The following PTGFR variants were observed in gnomAD, a reference collection of about 807,000 sequenced individuals.
The protein encoded by PTGFR is prostaglandin F2-alpha receptor.
In PTGFR, 15 loss-of-function variants were observed where a neutral mutation model predicts 26.2. The observed-to-expected ratio is 0.57, with a 90% CI of 0.38 to 0.88. The LOEUF (loss-of-function observed/expected upper bound fraction) is 0.88. Ranked by LOEUF, PTGFR falls within the 40% of genes least tolerant of loss-of-function variation. PTGFR has a pLI of 0.00. For missense variants in PTGFR, 369 were observed against 427.2 expected, an observed-to-expected ratio of 0.86 and a Z score of 1.20; for synonymous variants, 165 against 151.1, an observed-to-expected ratio of 1.09 and a Z score of -0.68.
At position 78,492,906 on chromosome 1, in the gene PTGFR, T is replaced by C. The variant is rs1451089350; in HGVS notation, c.163T>C (p.Tyr55His). 2.5e-6 allele frequency: 4 copies of C among 1,614,140 alleles called. No individual in the cohort carries two copies. The highest frequency in any genetic ancestry group is 1.1e-5 in the South Asian group (1 of 91,090). The change falls in exon 2 of 3, where the codon TAT becomes CAT. Residue 55 changes from tyrosine to histidine, a missense_variant. By Grantham distance (83) the Tyr-to-His change is moderately conservative. Transcript: ENST00000370757. ...TGCCATCGCCATTCTCATGAAGGCA[T>C]ATCAGAGATTTAGACAGAAGTCCAA... ...SLAIAILMKAYQRFRQKSKAS... is the reference protein window; with the variant it reads ...SLAIAILMKAHQRFRQKSKAS...
intron 2 of PTGFR, among the ~76,000 whole-genome samples, chr1:78,512,640 C>A (rs930174394): frequency 1.3e-5 from 2 of 152,158 alleles, no homozygotes; most frequent in African/African-American, 2.4e-5. Context: ...ACCCCTATGA[C>A]CTAAACACCT....
chr1:78,538,481 A>G lies in PTGFR; in HGVS notation c.*1794A>G, dbSNP rs1042030672. On this transcript the variant is annotated 3_prime_UTR_variant, in exon 3 of 3. Coordinates refer to ENST00000370757, the MANE Select transcript of PTGFR (RefSeq NM_000959.4). ...TGTTATCTGAGTATATGTTTGGGTAACCAAATTGGTCTTAAAAATGATGTT... is the reference window on the plus strand; with the variant it reads ...TGTTATCTGAGTATATGTTTGGGTAGCCAAATTGGTCTTAAAAATGATGTT... 4 of 151,444 alleles carry G rather than the reference A, an allele frequency of 2.6e-5. No homozygotes were observed. The highest frequency in any genetic ancestry group is 2.0e-4 in the Admixed American group (3 of 15,186). The allele number at this position is 151,444 out of a possible 1,614,324, so 9.4% of individuals were successfully genotyped here.
At position 78,521,670 on chromosome 1, in the gene PTGFR, C is replaced by T. The variant is rs1650246055; in HGVS notation, c.799-14736C>T. Reference sequence around the variant, plus strand: ...GTAACAAAAGTTTATCTCTTTTCTCCTGATTCTTATACTTCATTTTTTGTT... The same window carrying T: ...GTAACAAAAGTTTATCTCTTTTCTCTTGATTCTTATACTTCATTTTTTGTT... On this transcript the variant is annotated intron_variant, in intron 2 of 2. Coordinates refer to ENST00000370757, the MANE Select transcript of PTGFR (RefSeq NM_000959.4). Among the ~76,000 whole-genome samples, 3 of 152,074 alleles carry T rather than the reference C, an allele frequency of 2.0e-5. 1 individual carries two copies. The South Asian group carries it at 6.2e-4, about 32-fold the overall frequency.
At chr1:78,512,931 C>T (rs541731428) in intron 2 of PTGFR, among the ~76,000 whole-genome samples, 8 of 152,164 alleles carry the variant, frequency 5.3e-5, no homozygotes, top group African/African-American at 9.7e-5. Flanking sequence ...ATGCCTGCTC[C>T]GCCTTTCCCT....
chr1:78,509,816 T>A (rs542698846), intron 2 of PTGFR, among the ~76,000 whole-genome samples: 16 of 152,196 alleles, frequency 1.1e-4, no homozygotes, highest in Non-Finnish European at 2.1e-4. Context: ...GATTTCCACA[T>A]CATTGATTTA....
At chr1:78,494,249 T>C (rs115762313) in intron 2 of PTGFR, among the ~76,000 whole-genome samples, 5,453 of 152,318 alleles carry the variant, frequency 0.036, 164 homozygotes, top group Non-Finnish European at 0.046. Flanking sequence ...TCATATCACT[T>C]TCCAGATAGA....
intron 2 of PTGFR, among the ~76,000 whole-genome samples, chr1:78,522,049 G>T (rs1570290639): frequency 1.4e-5 from 2 of 148,020 alleles, no homozygotes; most frequent in Admixed American, 6.6e-5. Flanking sequence ...GCTGTTACAG[G>T]CTTGGGGGAA....
rs543630104 is a variant in PTGFR, at chr1:78,540,582, G to A, written c.*3895G>A. ...GACTAAAAGGACTATATAATAGAAA[G>A]AGGGAAATCTTGGTTCTTAAAAATT... On this transcript the variant is annotated 3_prime_UTR_variant, in exon 3 of 3. Coordinates refer to ENST00000370757, the MANE Select transcript of PTGFR (RefSeq NM_000959.4). 1.3e-5 allele frequency among the ~76,000 whole-genome samples: 2 copies of A among 152,190 alleles called. No individual in the cohort carries two copies. Among genetic ancestry groups the A allele is most frequent in the African/African-American group, 4.8e-5 (2 of 41,558 alleles).
At chr1:78,536,337 C>T (rs557304900) in intron 2 of PTGFR, 69 bp from the exon 3 acceptor site, 2 of 1,442,584 alleles carry the variant, frequency 1.4e-6, no homozygotes, top group South Asian at 2.7e-5. Context: ...TCTAGCATAG[C>T]TAATTTTTTA....
In PTGFR at chr1:78,510,335, G is replaced by A. The variant is rs981122656; in HGVS notation, c.798+16794G>A. 2.2e-4 allele frequency among the ~76,000 whole-genome samples: 33 copies of A among 152,286 alleles called. 1 individual carries two copies. Among genetic ancestry groups the A allele is most frequent in the East Asian group, 5.8e-4 (3 of 5,182 alleles). ...GTAGAGAAAGCATGTTGCTGGCATC[G>A]TCTCAGCTTCTGTTGAGGTCCCAGG... On this transcript the variant is annotated intron_variant, in intron 2 of 2. Transcript: ENST00000370757.
intron 2 of PTGFR, among the ~76,000 whole-genome samples, chr1:78,530,767 A>G (rs1414457779): frequency 1.3e-5 from 2 of 152,232 alleles, no homozygotes; most frequent in Non-Finnish European, 2.9e-5. Flanking sequence ...CATCTTATTC[A>G]TAAATATAAC....
chr1:78,508,870 C>T (rs1649888899), intron 2 of PTGFR, among the ~76,000 whole-genome samples: 1 of 151,990 alleles, frequency 6.6e-6, no homozygotes, highest in Non-Finnish European at 1.5e-5. Flanking sequence ...ATTTTGGCTA[C>T]AAGATACTGA....
rs1012519493 is a variant in PTGFR at position 78,540,645 on chromosome 1, G to T, written c.*3958G>T. 6.6e-6 allele frequency among the ~76,000 whole-genome samples: 1 copy of T among 152,110 alleles called. No homozygotes were observed. Among genetic ancestry groups the T allele is most frequent in the Non-Finnish European group, 1.5e-5 (1 of 67,998 alleles). On this transcript the variant is annotated 3_prime_UTR_variant, in exon 3 of 3. Coordinates refer to ENST00000370757, the MANE Select transcript of PTGFR (RefSeq NM_000959.4). Reference sequence around the variant, plus strand: ...ACATTTCTGTATAATACCAAGCATTGTTGCAGTATTGTCTGAAATGGTTGC... The same window carrying T: ...ACATTTCTGTATAATACCAAGCATTTTTGCAGTATTGTCTGAAATGGTTGC...
intron 2 of PTGFR, among the ~76,000 whole-genome samples, chr1:78,524,257 A>C (rs1650316038): frequency 6.6e-6 from 1 of 152,158 alleles, no homozygotes; most frequent in South Asian, 2.1e-4. Context: ...ATAGGGCTTG[A>C]TGAGTTGGTT....
chr1:78,494,471 A>G (rs1649494328), intron 2 of PTGFR, among the ~76,000 whole-genome samples: 1 of 152,228 alleles, frequency 6.6e-6, no homozygotes, highest in Non-Finnish European at 1.5e-5. Flanking sequence ...ATAGCAATCC[A>G]GGTGGGGTGG....
At chr1:78,496,785 TTC>T (rs1649563239) in intron 2 of PTGFR, among the ~76,000 whole-genome samples, 1 of 152,206 alleles carries the variant, frequency 6.6e-6, no homozygotes, top group Non-Finnish European at 1.5e-5. Context: ...AATGTTTGAA[TTC>T]TCTCTCATGT....
At chr1:78,520,671 G>A (rs988267333) in intron 2 of PTGFR, among the ~76,000 whole-genome samples, 2 of 151,946 alleles carry the variant, frequency 1.3e-5, no homozygotes, top group East Asian at 1.9e-4. Flanking sequence ...CCATTGGTTT[G>A]GGATCAATCA....
intron 2 of PTGFR, among the ~76,000 whole-genome samples, chr1:78,502,480 G>A (rs1649732507): frequency 6.6e-6 from 1 of 152,030 alleles, no homozygotes; most frequent in South Asian, 2.1e-4. Context: ...CACTTCATAG[G>A]GTGGTTGTGA....
At chr1:78,536,046 TA>T (rs1482035124) in intron 2 of PTGFR, among the ~76,000 whole-genome samples, 14 of 152,300 alleles carry the variant, frequency 9.2e-5, no homozygotes, top group African/African-American at 3.4e-4. Flanking sequence ...TTTATTTATT[TA>T]AAAATACTTC....
Sources: gnomAD v4.1 joint callset for allele counts (sites outside exome capture counted in the v4.1 genomes callset) on GRCh38, gnomAD v4.1.1 for gene constraint, MANE v1.5 for transcripts, NCBI Gene and HGNC (gene_info 2026-07-23, HGNC 2026-07-21) for gene names.